The following TTC13 variants were observed in gnomAD, a reference collection of about 807,000 sequenced individuals.
The protein encoded by TTC13 is tetratricopeptide repeat domain 13.
In TTC13, 62 loss-of-function variants were observed where a neutral mutation model predicts 120.0. The observed-to-expected ratio is 0.52, with a 90% confidence interval of 0.42 to 0.64. The LOEUF (loss-of-function observed/expected upper bound fraction) is 0.64, where lower values mean the gene tolerates loss of function less well. Ranked by LOEUF, TTC13 falls within the 30% of genes least tolerant of loss-of-function variation. The pLI is 0.00. For missense variants in TTC13, 824 were observed against 1,050.2 expected, an observed-to-expected ratio of 0.78 and a Z score of 2.98; for synonymous variants, 384 against 393.5, an observed-to-expected ratio of 0.98 and a Z score of 0.28.
At chr1:230,911,972 T>C (rs1671554083) in intron 19 of TTC13, among the ~76,000 whole-genome samples, 1 of 152,208 alleles carries the variant, frequency 6.6e-6, no homozygotes, top group South Asian at 2.1e-4. Flanking sequence ...TGCTCAATTA[T>C]GTGTATAAAC....
chr1:230,957,699 A>C (rs1170960678), intron 3 of TTC13, among the ~76,000 whole-genome samples: 1 of 152,198 alleles, frequency 6.6e-6, no homozygotes, highest in Non-Finnish European at 1.5e-5. Flanking sequence ...TCTGACACTG[A>C]CAAAACCAGC....
chr1:230,924,759 T>C, intron 14 of TTC13, 82 bp downstream of exon 14: 5 of 1,534,802 alleles, frequency 3.3e-6, no homozygotes, highest in Non-Finnish European at 4.5e-6. Context: ...AAAACAGGGT[T>C]CATAGCCTGT....
chr1:230,912,684 T>C lies in TTC13; in HGVS notation c.2168A>G (p.Asp723Gly). ...ERTQLYHAEI[D>G]ALYKDLTAKG... ...TGCTGTCAAATCTTTATAAAGTGCA[T>C]CTATTTCAGCATGATATAATTGTGT... Residue 723 changes from aspartate (D) to glycine (G), a missense_variant, in exon 19 of 23, where the codon GAT (aspartate) becomes GGT (glycine). This residue lies in a region of TTC13 where 226 missense variants were observed against 259.1 expected (regional missense o/e 0.87). Coordinates refer to ENST00000366661, the MANE Select transcript of TTC13 (RefSeq NM_024525.5). The C allele has an allele frequency of 6.2e-7, 1 of 1,612,748 alleles. No homozygotes were observed. Among genetic ancestry groups the C allele is most frequent in the Non-Finnish European group, 8.5e-7 (1 of 1,179,410 alleles).
At position 230,944,907 on chromosome 1, in the gene TTC13, A is replaced by T. The variant is rs1674842960; in HGVS notation, c.579+482T>A. Among the ~76,000 whole-genome samples, 1 of 152,210 alleles carries T rather than the reference A, an allele frequency of 6.6e-6. No individual in the cohort carries two copies. The highest frequency in any genetic ancestry group is 1.5e-5 in the Non-Finnish European group (1 of 68,028). The stretch of plus-strand genomic sequence containing the variant: ...ACCTTTGTTTGTGTAAAATATGATT[A>T]TTATAGTCCTTCTCCAGCCTTCCTC... On this transcript the variant is annotated intron_variant, in intron 5 of 22. Transcript: ENST00000366661. The surrounding 1 kb of genome is among the most constrained non-coding windows in gnomAD (Gnocchi z 4.0).
intron 19 of TTC13, among the ~76,000 whole-genome samples, chr1:230,912,218 T>C (rs747577310): frequency 2.8e-4 from 42 of 152,304 alleles, no homozygotes; most frequent in Non-Finnish European, 4.9e-4. Flanking sequence ...AACTTCATTA[T>C]ACTTTCCTTG....
chr1:230,971,345 CAAAAA>C (rs11453211), intron 1 of TTC13, among the ~76,000 whole-genome samples: 1 of 80,824 alleles, frequency 1.2e-5, no homozygotes, highest in African/African-American at 4.6e-5. Flanking sequence ...GACTCCATCT[CAAAAA>C]AAAAAAAAAA....
At position 230,925,797 on chromosome 1, in the gene TTC13, C is replaced by A; in HGVS notation, c.1458-150G>T. 3 of 800,106 alleles carry A rather than the reference C, an allele frequency of 3.7e-6. No homozygotes were observed. In the South Asian group the frequency reaches 5.0e-5, roughly 13 times the overall value. The allele number at this position is 800,106 out of a possible 1,614,324, so 49.6% of individuals were successfully genotyped here. On this transcript the variant is annotated intron_variant, in intron 12 of 22. Transcript: ENST00000366661. Reference sequence around the variant, plus strand: ...CTTACTTCAGTCCTTTGCACCCAACCATACCTCAGCTTAAAAGGGAATCTC... The same window carrying A: ...CTTACTTCAGTCCTTTGCACCCAACAATACCTCAGCTTAAAAGGGAATCTC...
rs1157931473 is a variant in TTC13, at chr1:230,931,780, G to A, written c.1081C>T (p.Leu361Phe). 12 of 1,614,144 alleles carry A rather than the reference G, an allele frequency of 7.4e-6. No individual in the cohort carries two copies. Among genetic ancestry groups the A allele is most frequent in the Admixed American group, 1.7e-5 (1 of 60,026 alleles). The change falls in exon 10 of 23, where the codon CTC becomes TTC. Residue 361 changes from leucine to phenylalanine, a missense_variant. Coordinates refer to ENST00000366661, the MANE Select transcript of TTC13 (RefSeq NM_024525.5). ...VQTLQLRGMMLYHHGSLQEAL... is the reference protein window; with the variant it reads ...VQTLQLRGMMFYHHGSLQEAL... Reference sequence around the variant, plus strand: ...TCCTGTAAGCTGCCGTGGTGGTAGAGCATCATTCCCCGGAGCTGGAGGGTT... The same window carrying A: ...TCCTGTAAGCTGCCGTGGTGGTAGAACATCATTCCCCGGAGCTGGAGGGTT...
intron 4 of TTC13, among the ~76,000 whole-genome samples, chr1:230,951,678 T>C (rs1383409648): frequency 6.6e-6 from 1 of 152,142 alleles, no homozygotes; most frequent in Non-Finnish European, 1.5e-5. Flanking sequence ...TATGAAAAAG[T>C]ATTATTGAGA....
At chr1:230,914,423 G>T (rs1418725649) in intron 18 of TTC13, among the ~76,000 whole-genome samples, 1 of 151,654 alleles carries the variant, frequency 6.6e-6, no homozygotes, top group East Asian at 1.9e-4. Flanking sequence ...TTGAGATGGA[G>T]TTCACTCTGT....
rs16853178 is a variant in TTC13, at chr1:230,919,148, C to T, written c.1983+1362G>A. Among the ~76,000 whole-genome samples, 1,129 of 151,972 alleles carry T rather than the reference C, an allele frequency of 7.4e-3. 12 individuals are homozygous for T. Among genetic ancestry groups the T allele is most frequent in the African/African-American group, 0.026 (1,060 of 41,412 alleles). Reference sequence around the variant, plus strand: ...TCTCATTAGCATTTGCCTGGTATACCTGGATCATACTATCATACTTTTGTA... The same window carrying T: ...TCTCATTAGCATTTGCCTGGTATACTTGGATCATACTATCATACTTTTGTA... On this transcript the variant is annotated intron_variant, in intron 17 of 22. Transcript: ENST00000366661.
At chr1:230,943,239 G>GT (rs899380227) in intron 6 of TTC13, among the ~76,000 whole-genome samples, 35 of 150,388 alleles carry the variant, frequency 2.3e-4, no homozygotes, top group East Asian at 5.9e-4. Context: ...TATTTTTTGT[G>GT]TTTTTTTTTA....
intron 2 of TTC13, among the ~76,000 whole-genome samples, chr1:230,958,728 C>T (rs1046341471): frequency 4.6e-5 from 7 of 152,182 alleles, no homozygotes; most frequent in Non-Finnish European, 1.0e-4. Context: ...TGGTGGCTCA[C>T]GCCTTTAATT....
chr1:230,935,225 G>A (rs377436331), intron 8 of TTC13, among the ~76,000 whole-genome samples: 13 of 152,258 alleles, frequency 8.5e-5, no homozygotes, highest in East Asian at 1.9e-4. Flanking sequence ...TATATTGAGC[G>A]CCTACTATGT....
chr1:230,913,876 T>A (rs1671750752), intron 18 of TTC13, among the ~76,000 whole-genome samples: 1 of 152,076 alleles, frequency 6.6e-6, no homozygotes, highest in Admixed American at 6.6e-5. Context: ...AGGGAGATGG[T>A]CCAGGTCAAG....
intron 14 of TTC13, among the ~76,000 whole-genome samples, chr1:230,924,389 G>C (rs913372349): frequency 6.6e-6 from 1 of 152,202 alleles, no homozygotes; most frequent in South Asian, 2.1e-4. Flanking sequence ...CTGGAGTGCA[G>C]TGGCGCGATC....
At chr1:230,907,445 T>C (rs1016316373) in intron 22 of TTC13, among the ~76,000 whole-genome samples, 2 of 152,260 alleles carry the variant, frequency 1.3e-5, no homozygotes, top group African/African-American at 2.4e-5. Context: ...GATAAGGTAT[T>C]TCAAGGTACG....
At chr1:230,923,716 A>G in intron 15 of TTC13, 125 bp downstream of exon 15, 1 of 721,942 alleles carries the variant, frequency 1.4e-6, no homozygotes, top group Non-Finnish European at 2.4e-6. Context: ...GTGCAGAGTC[A>G]ATCAGTATGT....
chr1:230,934,078 A>G (rs1447012894), intron 8 of TTC13, among the ~76,000 whole-genome samples: 1 of 152,154 alleles, frequency 6.6e-6, no homozygotes, highest in Non-Finnish European at 1.5e-5. Context: ...TGAGCCTTAA[A>G]TTTCTCCCCT....
Sources: gnomAD v4.1 joint callset for allele counts (sites outside exome capture counted in the v4.1 genomes callset) on GRCh38, gnomAD v4.1.1 for gene constraint, gnomAD v4.1.1 regional missense constraint, Gnocchi (gnomAD v3.1) non-coding constraint, MANE v1.5 for transcripts, NCBI Gene and HGNC (gene_info 2026-07-23, HGNC 2026-07-21) for gene names.